The following EDIL3 variants were observed in gnomAD, a reference collection of about 807,000 sequenced individuals.
EDIL3 encodes the protein EGF like and discoidin domains 3, also known as EGF-like repeat and discoidin I-like domain-containing protein 3.
EDIL3 carries 37 observed loss-of-function variants against 67.4 expected under a neutral mutation model. The observed-to-expected ratio is 0.55, with a 90% confidence interval of 0.42 to 0.72. The LOEUF is 0.72. EDIL3 is among the 30% of genes least tolerant of loss of function. EDIL3 has a pLI of 0.00. For synonymous variants in EDIL3, 195 were observed against 196.3 expected (o/e 0.99, Z 0.05); for missense variants, 527 against 586.3 (o/e 0.90, Z 1.04).
At chr5:84,137,144 T>C in intron 5 of EDIL3, 97 bp downstream of exon 5, 1 of 829,892 alleles carries the variant, frequency 1.2e-6, no homozygotes, top group East Asian at 2.9e-5. Flanking sequence ...ATGATGTACA[T>C]AAAAATATAT....
At chr5:84,175,440 G>GT (rs1389280066) in intron 4 of EDIL3, among the ~76,000 whole-genome samples, 2 of 152,158 alleles carry the variant, frequency 1.3e-5, no homozygotes, top group Non-Finnish European at 2.9e-5. Flanking sequence ...TAGTCCATTA[G>GT]GCATACCTAA....
At chr5:84,271,462 T>TAAATAA (rs1561241436) in intron 1 of EDIL3, among the ~76,000 whole-genome samples, 31 of 138,528 alleles carry the variant, frequency 2.2e-4, no homozygotes, top group African/African-American at 8.0e-4. Flanking sequence ...TAAATAAATA[T>TAAATAA]AAAATAAAGG....
At chr5:84,301,639 A>T (rs1746163358) in intron 1 of EDIL3, among the ~76,000 whole-genome samples, 1 of 152,214 alleles carries the variant, frequency 6.6e-6, no homozygotes, top group Admixed American at 6.5e-5. Context: ...GAATGAAACT[A>T]TGGCTGCACA....
intron 1 of EDIL3, among the ~76,000 whole-genome samples, chr5:84,382,566 A>G (rs1338832926): frequency 6.6e-6 from 1 of 152,140 alleles, no homozygotes; most frequent in Non-Finnish European, 1.5e-5. Flanking sequence ...TTTGGGGTGG[A>G]AACGTAGGCG....
chr5:84,377,052 C>T (rs1222974287), intron 1 of EDIL3, among the ~76,000 whole-genome samples: 2 of 152,120 alleles, frequency 1.3e-5, no homozygotes, highest in Admixed American at 6.6e-5. Flanking sequence ...AGAGGCCGGG[C>T]GCGGTGGCTC....
chr5:84,067,187 G>C (rs892684902), intron 6 of EDIL3, among the ~76,000 whole-genome samples: 1 of 152,028 alleles, frequency 6.6e-6, no homozygotes, highest in African/African-American at 2.4e-5. Flanking sequence ...AAAATTAAAT[G>C]ATTGCTTTTT....
chr5:84,107,655 C>T (rs1423884380), intron 5 of EDIL3, among the ~76,000 whole-genome samples: 2 of 151,040 alleles, frequency 1.3e-5, no homozygotes, highest in African/African-American at 4.8e-5. Context: ...GATTAAAACA[C>T]ATTATGCTCA....
chr5:84,083,167 G>A (rs371158138), intron 6 of EDIL3, among the ~76,000 whole-genome samples: 15 of 152,292 alleles, frequency 9.8e-5, no homozygotes, highest in African/African-American at 2.9e-4. Flanking sequence ...AGCTTAAAGT[G>A]TATTGATGCT....
chr5:84,118,387 T>G (rs1472681955), intron 5 of EDIL3, among the ~76,000 whole-genome samples: 1 of 152,140 alleles, frequency 6.6e-6, no homozygotes, highest in African/African-American at 2.4e-5. Flanking sequence ...TAGATTAATT[T>G]ATAGGTGCAC....
intron 3 of EDIL3, among the ~76,000 whole-genome samples, chr5:84,205,163 G>A (rs991935662): frequency 1.3e-5 from 2 of 149,306 alleles, no homozygotes; most frequent in East Asian, 2.0e-4. Context: ...TGATCCTCCC[G>A]CCTAGGCATC....
At chr5:84,054,756 T>A (rs1342367674) in intron 9 of EDIL3, among the ~76,000 whole-genome samples, 2 of 151,822 alleles carry the variant, frequency 1.3e-5, no homozygotes, top group Non-Finnish European at 2.9e-5. Context: ...TTACAAGGGA[T>A]GTGAAGGACC....
chr5:84,060,890 C>A (rs1746531547), intron 8 of EDIL3, among the ~76,000 whole-genome samples: 1 of 152,060 alleles, frequency 6.6e-6, no homozygotes, highest in East Asian at 1.9e-4. Flanking sequence ...TATTGTTTTT[C>A]TTTTATTTGT....
rs1202981166 is a variant in EDIL3, at chr5:84,133,923, T to G, written c.469+3318A>C. 2.6e-5 allele frequency among the ~76,000 whole-genome samples: 4 copies of G among 152,014 alleles called. No homozygotes were observed. The South Asian group carries it at 8.3e-4, about 32-fold the overall frequency. ...CAGAAATATGTATTATTGCCTTAAC[T>G]CCCCTATAAGTATAATTAGAAAATA... On this transcript the variant is annotated intron_variant, in intron 5 of 10. Transcript: ENST00000296591.
intron 3 of EDIL3, among the ~76,000 whole-genome samples, chr5:84,225,181 C>G (rs185301507): frequency 6.6e-6 from 1 of 151,674 alleles, no homozygotes; most frequent in East Asian, 1.9e-4. Context: ...ACATTCAGAA[C>G]TGAAAGTGAT....
intron 4 of EDIL3, among the ~76,000 whole-genome samples, chr5:84,155,519 C>T (rs1272111782): frequency 2.0e-5 from 3 of 152,184 alleles, no homozygotes; most frequent in Admixed American, 2.0e-4. Context: ...TCCAACGTAA[C>T]GTTATTCGTT....
intron 4 of EDIL3, among the ~76,000 whole-genome samples, chr5:84,166,481 CATTT>C (rs1395008893): frequency 3.3e-5 from 5 of 152,142 alleles, no homozygotes; most frequent in Non-Finnish European, 5.9e-5. Context: ...CTCATTCATT[CATTT>C]GTTTACTTAA....
At chr5:84,034,712 A>G (rs1393503471) in intron 9 of EDIL3, among the ~76,000 whole-genome samples, 1 of 152,158 alleles carries the variant, frequency 6.6e-6, no homozygotes, top group Non-Finnish European at 1.5e-5. Flanking sequence ...TGTTGGCTCC[A>G]TTTTTTAAGA....
At chr5:84,253,951 C>A in intron 2 of EDIL3, 133 bp downstream of exon 2, 1 of 807,758 alleles carries the variant, frequency 1.2e-6, no homozygotes, top group Non-Finnish European at 1.8e-6. Flanking sequence ...AACTGAGAAT[C>A]CTACACAAAA....
intron 10 of EDIL3, among the ~76,000 whole-genome samples, chr5:83,949,552 T>C (rs748383826): frequency 4.3e-4 from 65 of 152,006 alleles, no homozygotes; most frequent in Non-Finnish European, 5.6e-4. Context: ...TTGTCTTCTT[T>C]GCAAGAAACA....
Sources: allele counts gnomAD v4.1 joint callset (sites outside exome capture counted in the v4.1 genomes callset), GRCh38; gene constraint gnomAD v4.1.1; transcripts MANE v1.5; gene names NCBI Gene and HGNC (gene_info 2026-07-23, HGNC 2026-07-21).